Variants in KCNH8 observed in about 807,000 individuals in gnomAD.
The protein encoded by KCNH8 is voltage-gated delayed rectifier potassium channel KCNH8.
In KCNH8, 70 loss-of-function variants were observed where a neutral mutation model predicts 103.6. That is an observed-to-expected ratio of 0.68 (90% confidence interval 0.56 to 0.82). The LOEUF is 0.82. KCNH8 is among the 40% of genes least tolerant of loss of function. KCNH8 has a pLI of 0.00. For synonymous variants in KCNH8, 498 were observed against 489.4 expected, an observed-to-expected ratio of 1.02 and a Z score of -0.23; for missense variants, 1,217 against 1,329.9, an observed-to-expected ratio of 0.92 and a Z score of 1.32.
At chr3:19,507,883 C>T (rs1405681300) in intron 11 of KCNH8, among the ~76,000 whole-genome samples, 4 of 152,144 alleles carry the variant, frequency 2.6e-5, no homozygotes, top group South Asian at 4.1e-4. Context: ...CAGGAAAACA[C>T]GGAGCTGCTA....
chr3:19,281,443 G>A (rs1044344170), intron 3 of KCNH8, 114 bp downstream of exon 3: 5 of 906,968 alleles, frequency 5.5e-6, no homozygotes, highest in South Asian at 3.5e-5. Flanking sequence ...ATAAATATTC[G>A]TAACTGTTAG....
chr3:19,150,746 A>G (rs1320120932), intron 1 of KCNH8, among the ~76,000 whole-genome samples: 2 of 152,210 alleles, frequency 1.3e-5, no homozygotes, highest in Admixed American at 1.3e-4. Flanking sequence ...AAAGAAGACC[A>G]TCCTGACATA....
intron 5 of KCNH8, among the ~76,000 whole-genome samples, chr3:19,352,727 T>C (rs538960929): frequency 4.6e-5 from 7 of 152,108 alleles, no homozygotes; most frequent in South Asian, 2.1e-4. Context: ...GGGACACATT[T>C]AAAGCAGTGT....
chr3:19,452,004 T>C (rs919833120), intron 10 of KCNH8, among the ~76,000 whole-genome samples: 33 of 152,298 alleles, frequency 2.2e-4, no homozygotes, highest in African/African-American at 7.9e-4. Flanking sequence ...TTGGTCTTCA[T>C]TGAAATATAA....
intron 5 of KCNH8, among the ~76,000 whole-genome samples, chr3:19,378,920 T>G (rs1161183668): frequency 6.6e-6 from 1 of 152,208 alleles, no homozygotes; most frequent in Non-Finnish European, 1.5e-5. Context: ...TTTAAATGTA[T>G]TTCAAGTCTC....
chr3:19,291,562 G>A (rs1441038090), intron 3 of KCNH8, among the ~76,000 whole-genome samples: 1 of 152,206 alleles, frequency 6.6e-6, no homozygotes. Flanking sequence ...TTTTGAGTGA[G>A]TTTCTTAATC....
intron 2 of KCNH8, among the ~76,000 whole-genome samples, chr3:19,258,692 A>G (rs1252422485): frequency 6.6e-6 from 1 of 151,838 alleles, no homozygotes; most frequent in Non-Finnish European, 1.5e-5. Context: ...TCACCATGTA[A>G]GAAAATCTTA....
chr3:19,331,288 G>A (rs1411778155), intron 3 of KCNH8, among the ~76,000 whole-genome samples: 5 of 99,102 alleles, frequency 5.0e-5, no homozygotes, highest in South Asian at 2.9e-4. Flanking sequence ...TTTATTTATT[G>A]TTGTTATTAT....
intron 3 of KCNH8, among the ~76,000 whole-genome samples, chr3:19,291,618 A>C (rs1161091073): frequency 1.3e-5 from 2 of 152,308 alleles, no homozygotes; most frequent in African/African-American, 4.8e-5. Context: ...ACAGTTTGTT[A>C]TAATTTCTGT....
chr3:19,236,031 G>T (rs1014161784), intron 1 of KCNH8, among the ~76,000 whole-genome samples: 2 of 152,178 alleles, frequency 1.3e-5, no homozygotes, highest in African/African-American at 2.4e-5. Context: ...GTAACTGTGT[G>T]TATATAGTTT....
At chr3:19,294,376 A>G (rs567001819) in intron 3 of KCNH8, among the ~76,000 whole-genome samples, 134 of 152,320 alleles carry the variant, frequency 8.8e-4, no homozygotes, top group African/African-American at 3.1e-3. Context: ...CACTTGCTGA[A>G]GTATTCTGCC....
At chr3:19,240,949 G>GT (rs931394199) in intron 1 of KCNH8, among the ~76,000 whole-genome samples, 2 of 152,048 alleles carry the variant, frequency 1.3e-5, no homozygotes, top group Non-Finnish European at 2.9e-5. Flanking sequence ...ATCACCTCAT[G>GT]TTTTTTTATG....
chr3:19,346,079 A>C (rs1341844909), intron 4 of KCNH8, among the ~76,000 whole-genome samples: 1 of 152,098 alleles, frequency 6.6e-6, no homozygotes, highest in Non-Finnish European at 1.5e-5. Flanking sequence ...ACTTATGTGG[A>C]TAGAAAATGA....
At chr3:19,153,635 CT>C (rs773828081) in intron 1 of KCNH8, among the ~76,000 whole-genome samples, 474 of 128,888 alleles carry the variant, frequency 3.7e-3, no homozygotes, top group Middle Eastern at 7.6e-3. Context: ...TTTCTTTTTT[CT>C]TTTTTTTTTT....
rs1014507418 is a variant in KCNH8 at position 19,534,259 on chromosome 3, G to T, written c.*160G>T. 3.3e-6 allele frequency: 2 copies of T among 606,784 alleles called. No individual in the cohort carries two copies. The highest frequency in any genetic ancestry group is 2.1e-5 in the South Asian group (1 of 47,900). The allele number at this position is 606,784 out of a possible 1,614,324, so 37.6% of individuals were successfully genotyped here. On this transcript the variant is annotated 3_prime_UTR_variant, in exon 16 of 16. Coordinates refer to ENST00000328405, the MANE Select transcript of KCNH8 (RefSeq NM_144633.3). ...GGAAAGGCAGAACCACCTCCATGCT[G>T]TAGCAAACAATTTCTAGATACTAGA...
intron 5 of KCNH8, among the ~76,000 whole-genome samples, chr3:19,357,210 T>TA (rs11349666): frequency 1.1e-4 from 17 of 151,338 alleles, no homozygotes; most frequent in East Asian, 2.0e-4. Flanking sequence ...TTTTCCCTGA[T>TA]AAAAAAAAAG....
At chr3:19,206,168 G>GTGTGTATATATATATA (rs979868166) in intron 1 of KCNH8, among the ~76,000 whole-genome samples, 126 of 139,244 alleles carry the variant, frequency 9.0e-4, no homozygotes, top group African/African-American at 3.3e-3. Context: ...TGGTGTGTGT[G>GTGTGTATATATATATA]TATATATATA....
chr3:19,327,881 A>G (rs2065444998), intron 3 of KCNH8, among the ~76,000 whole-genome samples: 1 of 152,180 alleles, frequency 6.6e-6, no homozygotes. Context: ...CTTCTCTTCT[A>G]CTAACTAATA....
intron 1 of KCNH8, among the ~76,000 whole-genome samples, chr3:19,235,986 C>A (rs749145690): frequency 6.6e-6 from 1 of 152,170 alleles, no homozygotes; most frequent in African/African-American, 2.4e-5. Flanking sequence ...TACATAATGT[C>A]ATCGAATAAA....
Sources: gnomAD v4.1 joint callset for allele counts (sites outside exome capture counted in the v4.1 genomes callset) on GRCh38, gnomAD v4.1.1 for gene constraint, MANE v1.5 for transcripts, NCBI Gene and HGNC (gene_info 2026-07-23, HGNC 2026-07-21) for gene names.